The following CYP19A1 variants were observed in gnomAD, a reference collection of about 807,000 sequenced individuals.
CYP19A1 encodes the protein cytochrome P450 family 19 subfamily A member 1.
In CYP19A1, 32 loss-of-function variants were observed where a neutral mutation model predicts 44.4. The observed-to-expected ratio is 0.72, with a 90% CI of 0.54 to 0.97. CYP19A1 has a LOEUF of 0.97. Among genes scored for constraint, CYP19A1 ranks in the 50% least tolerant of loss-of-function variants. CYP19A1 has a pLI of 0.00. For missense variants in CYP19A1, 598 were observed against 637.8 expected (o/e 0.94, Z 0.67); for synonymous variants, 212 against 215.6 (o/e 0.98, Z 0.14).
At chr15:51,294,058 G>C (rs184055249) in intron 1 of CYP19A1, 2 of 176,530 alleles carry the variant, frequency 1.1e-5, no homozygotes, top group African/African-American at 3.4e-5. Context: ...TGGCTGCCCC[G>C]TCTGGAAAGT....
chr15:51,272,964 C>A (rs924905380), intron 1 of CYP19A1, among the ~76,000 whole-genome samples: 1 of 152,014 alleles, frequency 6.6e-6, no homozygotes, highest in Non-Finnish European at 1.5e-5. Context: ...TTTCTTTCCT[C>A]ACTTTTTTTT....
In CYP19A1 at chr15:51,208,065, C is replaced by T. The variant is rs562217823; in HGVS notation, c.*2743G>A. Reference sequence around the variant, plus strand: ...CGCTCCATTTGACTTACTACTTTGACAAGGTTTAATTAGTATGTCTTTCTG... The same window carrying T: ...CGCTCCATTTGACTTACTACTTTGATAAGGTTTAATTAGTATGTCTTTCTG... On this transcript the variant is annotated 3_prime_UTR_variant, in exon 10 of 10. Coordinates refer to ENST00000396402, the MANE Select transcript of CYP19A1 (RefSeq NM_000103.4). 1 of 152,286 alleles carries T rather than the reference C, an allele frequency of 6.6e-6. No homozygotes were observed. Among genetic ancestry groups the T allele is most frequent in the Non-Finnish European group, 1.5e-5 (1 of 68,020 alleles). 9.4% of individuals were successfully genotyped at this position (152,286 alleles called of 1,614,324 possible).
rs1595681744 is a variant in CYP19A1 at position 51,222,485 on chromosome 15, A to G, written c.492T>C (p.Cys164=). The G allele has an allele frequency of 6.2e-7, 1 of 1,614,130 alleles. No individual in the cohort carries two copies. The highest frequency in any genetic ancestry group is 2.2e-5 in the East Asian group (1 of 44,860). The stretch of plus-strand genomic sequence containing the variant: ...CCAGATGTGTTTTGAGGGATTCAGC[A>G]CAGACTGTGACCATACGAACAAGGC... ...GPGLVRMVTV[C]AESLKTHLDR... The change falls in exon 5 of 10, where the codon TGT becomes TGC. Residue 164 remains cysteine, a synonymous_variant. Coordinates refer to ENST00000396402, the MANE Select transcript of CYP19A1 (RefSeq NM_000103.4).
At chr15:51,297,941 A>G (rs1371841542) in intron 1 of CYP19A1, among the ~76,000 whole-genome samples, 2 of 151,438 alleles carry the variant, frequency 1.3e-5, no homozygotes, top group Non-Finnish European at 2.9e-5. Context: ...GAGGGGCATT[A>G]GGAGAGGATT....
chr15:51,314,432 A>C (rs1446483979), intron 1 of CYP19A1, among the ~76,000 whole-genome samples: 3 of 152,160 alleles, frequency 2.0e-5, no homozygotes, highest in Non-Finnish European at 2.9e-5. Context: ...AGGTTCCTAC[A>C]TAGGTGGCCC....
intron 1 of CYP19A1, among the ~76,000 whole-genome samples, chr15:51,258,788 G>T (rs866077973): frequency 1.3e-5 from 2 of 152,220 alleles, no homozygotes; most frequent in African/African-American, 4.8e-5. Context: ...TTACAAAAAT[G>T]AAGGAGTCTT....
chr15:51,331,044 T>G (rs1032462723), intron 1 of CYP19A1, among the ~76,000 whole-genome samples: 2 of 152,098 alleles, frequency 1.3e-5, no homozygotes, highest in African/African-American at 4.8e-5. Context: ...AGAATAAGGT[T>G]GTTTTGGAGT....
intron 1 of CYP19A1, 81 bp from the exon 2 acceptor site, chr15:51,243,031 G>C (rs2033872031): frequency 2.6e-6 from 2 of 781,076 alleles, no homozygotes; most frequent in South Asian, 1.4e-5. Flanking sequence ...AGAGGGTGCT[G>C]TACAGTACAG....
At chr15:51,334,734 T>G (rs1488779883) in intron 1 of CYP19A1, among the ~76,000 whole-genome samples, 3 of 152,210 alleles carry the variant, frequency 2.0e-5, no homozygotes, top group African/African-American at 7.2e-5. Flanking sequence ...TTCAGGTGGT[T>G]GATGTGGTAG....
At chr15:51,317,523 C>T (rs1196532397) in intron 1 of CYP19A1, among the ~76,000 whole-genome samples, 2 of 152,222 alleles carry the variant, frequency 1.3e-5, no homozygotes, top group Non-Finnish European at 1.5e-5. Flanking sequence ...GTGCAAGATG[C>T]TGCAGGGGAT....
At chr15:51,211,536 ATT>A in intron 9 of CYP19A1, 1 of 349,688 alleles carries the variant, frequency 2.9e-6, no homozygotes, top group South Asian at 2.2e-5. Context: ...TCTTGTCCAC[ATT>A]TGGACTTAGT....
intron 5 of CYP19A1, 135 bp from the exon 6 acceptor site, chr15:51,218,790 C>T (rs1282746065): frequency 6.7e-7 from 1 of 1,482,648 alleles, no homozygotes; most frequent in Non-Finnish European, 9.0e-7. Context: ...CAGCAAGATT[C>T]CATCTTCAGT....
chr15:51,213,236 G>A (rs537750614), intron 8 of CYP19A1, among the ~76,000 whole-genome samples: 62 of 152,192 alleles, frequency 4.1e-4, no homozygotes, highest in Non-Finnish European at 2.9e-4. Flanking sequence ...TCCCCACCAC[G>A]ACAAAATAGG....
chr15:51,215,758 G>A lies in CYP19A1; in HGVS notation c.803C>T (p.Thr268Ile), dbSNP rs1478739570. Reference sequence around the variant, plus strand: ...CATACATTCTTCCAGTTTCTCTTCTGTGGAAATCCTGCGTCTTTTTTCTGC... The same window carrying A: ...CATACATTCTTCCAGTTTCTCTTCTATGGAAATCCTGCGTCTTTTTTCTGC... ...LIAEKRRRIS[T>I]EEKLEECMDF... The change falls in exon 7 of 10, where the codon ACA becomes ATA. Residue 268 changes from threonine (T) to isoleucine (I), a missense_variant. Thr to Ile is a moderately conservative substitution (Grantham distance 89, BLOSUM62 -1). Transcript: ENST00000396402. The A allele has an allele frequency of 6.2e-7, 1 of 1,613,958 alleles. No individual in the cohort carries two copies. Among genetic ancestry groups the A allele is most frequent in the South Asian group, 1.1e-5 (1 of 91,078 alleles).
chr15:51,222,141 A>C, intron 5 of CYP19A1: 1 of 792,436 alleles, frequency 1.3e-6, no homozygotes, highest in South Asian at 2.0e-5. Context: ...ACAAAAGGCT[A>C]GTAGATGCTG....
rs988405341 is a variant in CYP19A1, at chr15:51,219,478, C to T, written c.629-823G>A. ...TTCATCTTCATATTCTTGCCATGGGCGTTGTGGTGTCATCCTTTTGCAGTG... is the reference window on the plus strand; with the variant it reads ...TTCATCTTCATATTCTTGCCATGGGTGTTGTGGTGTCATCCTTTTGCAGTG... On this transcript the variant is annotated intron_variant, in intron 5 of 9. Transcript: ENST00000396402. 6.6e-5 allele frequency among the ~76,000 whole-genome samples: 10 copies of T among 152,280 alleles called. No individual in the cohort carries two copies. The East Asian group carries it at 9.6e-4, about 15-fold the overall frequency.
At chr15:51,218,339 A>C in intron 6 of CYP19A1, 1 of 725,178 alleles carries the variant, frequency 1.4e-6, no homozygotes. Flanking sequence ...CTGCCCAGCC[A>C]AAGGCTTCAT....
At position 51,211,046 on chromosome 15, in the gene CYP19A1, C is replaced by T. The variant is rs749416910; in HGVS notation, c.1274G>A (p.Arg425Lys). The part of the protein sequence containing the change: ...LENFAKNVPY[R>K]YFQPFGFGPR... ...CCCAAAGCCAAATGGCTGAAAGTAC[C>T]TATAAGGAACCTATGAAAATGATCA... Residue 425 changes from arginine to lysine, a missense_variant, in exon 10 of 10, where the codon AGG (arginine) becomes AAG (lysine). Coordinates refer to ENST00000396402, the MANE Select transcript of CYP19A1 (RefSeq NM_000103.4). 1 of 1,582,238 alleles carries T rather than the reference C, an allele frequency of 6.3e-7. No homozygotes were observed. Among genetic ancestry groups the T allele is most frequent in the Non-Finnish European group, 8.7e-7 (1 of 1,151,102 alleles).
intron 4 of CYP19A1, among the ~76,000 whole-genome samples, chr15:51,226,596 C>CCTAG (rs1242740740): frequency 1.1e-4 from 17 of 152,158 alleles, no homozygotes; most frequent in African/African-American, 3.9e-4. Flanking sequence ...AAGGCGGCTA[C>CCTAG]CTAGGTTCAC....
Sources: allele counts gnomAD v4.1 joint callset (sites outside exome capture counted in the v4.1 genomes callset), GRCh38; gene constraint gnomAD v4.1.1; transcripts MANE v1.5; gene names NCBI Gene and HGNC (gene_info 2026-07-23, HGNC 2026-07-21).